Variants in ABHD18 observed in about 807,000 individuals in gnomAD.
The protein encoded by ABHD18 is cardiolipin-specific deacylase, mitochondrial.
ABHD18 carries 55 observed loss-of-function variants against 65.9 expected under a neutral mutation model. The observed-to-expected ratio is 0.84, with a 90% confidence interval of 0.67 to 1.05. ABHD18 has a LOEUF of 1.05. Among genes scored for constraint, ABHD18 ranks in the 50% least tolerant of loss-of-function variants. The pLI is 0.00. For synonymous variants in ABHD18, 181 were observed against 180.2 expected (o/e 1.00, Z -0.04); for missense variants, 533 against 558.5 (o/e 0.95, Z 0.46).
At chr4:127,966,900 A>AAAC (rs1560801702) in intron 1 of ABHD18, among the ~76,000 whole-genome samples, 1 of 150,016 alleles carries the variant, frequency 6.7e-6, no homozygotes, top group Non-Finnish European at 1.5e-5. Context: ...AAAAAAAAAA[A>AAAC]CCAAAAACCT....
chr4:127,985,133 C>A (rs538431588), intron 3 of ABHD18, among the ~76,000 whole-genome samples: 18 of 151,604 alleles, frequency 1.2e-4, no homozygotes, highest in Non-Finnish European at 2.2e-4. Flanking sequence ...TTAAATAACA[C>A]CAGGAAAAAT....
At chr4:127,983,648 G>A (rs768357984) in intron 2 of ABHD18, among the ~76,000 whole-genome samples, 4 of 152,162 alleles carry the variant, frequency 2.6e-5, no homozygotes, top group East Asian at 3.9e-4. Context: ...GGCGGATCAC[G>A]AGGTCAGGAG....
chr4:128,025,798 C>T (rs1264214249), intron 10 of ABHD18, among the ~76,000 whole-genome samples: 2 of 152,152 alleles, frequency 1.3e-5, no homozygotes, highest in Non-Finnish European at 2.9e-5. Flanking sequence ...TGTCAACTGG[C>T]ACTGGAAAAT....
intron 4 of ABHD18, among the ~76,000 whole-genome samples, chr4:128,008,586 C>T (rs1754033423): frequency 1.3e-5 from 2 of 151,982 alleles, no homozygotes; most frequent in Non-Finnish European, 2.9e-5. Flanking sequence ...ATAGTTACTT[C>T]TTTTAAGACT....
chr4:127,981,892 A>T (rs1011312501), intron 1 of ABHD18, among the ~76,000 whole-genome samples: 2 of 152,180 alleles, frequency 1.3e-5, no homozygotes, highest in Non-Finnish European at 2.9e-5. Context: ...ATTAGCTAGT[A>T]AATGTTTCTT....
At chr4:128,019,032 A>C (rs1756028074) in intron 8 of ABHD18, among the ~76,000 whole-genome samples, 1 of 151,752 alleles carries the variant, frequency 6.6e-6, no homozygotes, top group African/African-American at 2.4e-5. Context: ...AAAAAAAAAA[A>C]ATTCAAAACA....
rs202120305 is a variant in ABHD18, at chr4:128,030,569, C to G, written c.1240C>G (p.Arg414Gly). The change falls in exon 12 of 13, where the codon CGA becomes GGA. Residue 414 changes from arginine to glycine, a missense_variant. Transcript: ENST00000645843. ...VQAKEDAYIP[R>G]TGVRSLQEIW... ...AGCCAAAGAAGATGCCTATATTCCA[C>G]GAACAGGAGTTCGAAGTTTACAAGA... The G allele has an allele frequency of 1.9e-6, 3 of 1,607,390 alleles. No homozygotes were observed. The highest frequency in any genetic ancestry group is 2.5e-6 in the Non-Finnish European group (3 of 1,178,882).
intron 4 of ABHD18, among the ~76,000 whole-genome samples, chr4:127,994,501 C>T (rs532276039): frequency 1.1e-4 from 16 of 152,126 alleles, no homozygotes; most frequent in African/African-American, 3.4e-4. Flanking sequence ...GCAGGAGAAT[C>T]GCTTGAACCT....
intron 9 of ABHD18, among the ~76,000 whole-genome samples, chr4:128,020,528 G>T (rs1198451286): frequency 6.6e-6 from 1 of 152,106 alleles, no homozygotes; most frequent in Non-Finnish European, 1.5e-5. Flanking sequence ...TTTTATCAGG[G>T]GTTAGTGACT....
chr4:127,975,582 A>G (rs1416902720), intron 1 of ABHD18, among the ~76,000 whole-genome samples: 2 of 152,208 alleles, frequency 1.3e-5, no homozygotes, highest in African/African-American at 4.8e-5. Flanking sequence ...AATGGACACT[A>G]AAAGCTCCCA....
intron 9 of ABHD18, among the ~76,000 whole-genome samples, chr4:128,020,553 C>A (rs1201127318): frequency 6.6e-6 from 1 of 152,170 alleles, no homozygotes; most frequent in Non-Finnish European, 1.5e-5. Context: ...TAACTTCTGC[C>A]TAGCATGCAC....
intron 1 of ABHD18, among the ~76,000 whole-genome samples, chr4:127,974,039 A>G (rs899368797): frequency 2.6e-5 from 4 of 152,008 alleles, no homozygotes; most frequent in Admixed American, 1.3e-4. Context: ...ATAATCCTCA[A>G]GGAAAAGGGA....
At chr4:127,989,473 C>A (rs1275966684) in intron 3 of ABHD18, among the ~76,000 whole-genome samples, 1 of 151,548 alleles carries the variant, frequency 6.6e-6, no homozygotes, top group African/African-American at 2.4e-5. Context: ...TGATGGATAC[C>A]CCAATTACCC....
At position 127,996,066 on chromosome 4, in the gene ABHD18, T is replaced by C. The variant is rs74762349; in HGVS notation, c.278+6245T>C. Among the ~76,000 whole-genome samples the C allele has an allele frequency of 2.7e-3, 409 of 152,226 alleles. 4 individuals carry two copies. The highest frequency in any genetic ancestry group is 9.6e-3 in the African/African-American group (397 of 41,554). ...AAAGATACAGGCAGGAATAAAGAAA[T>C]TAAAGTTGAAAGGAGTGTGGATGAG... On this transcript the variant is annotated intron_variant, in intron 4 of 12. Coordinates refer to ENST00000645843, the MANE Select transcript of ABHD18 (RefSeq NM_001358451.3).
chr4:128,022,583 TC>T (rs1472384689), intron 10 of ABHD18, among the ~76,000 whole-genome samples: 1 of 152,220 alleles, frequency 6.6e-6, no homozygotes, highest in African/African-American at 2.4e-5. Flanking sequence ...TTCTATTATT[TC>T]TTTTTCATGT....
At chr4:128,035,332 G>A (rs1213135330) in intron 12 of ABHD18, among the ~76,000 whole-genome samples, 1 of 152,144 alleles carries the variant, frequency 6.6e-6, no homozygotes, top group Admixed American at 6.6e-5. Context: ...AAAGTTGCAT[G>A]CATCTGAGGC....
At chr4:128,016,263 T>A (rs936774168) in intron 7 of ABHD18, among the ~76,000 whole-genome samples, 5 of 152,122 alleles carry the variant, frequency 3.3e-5, no homozygotes, top group African/African-American at 1.2e-4. Flanking sequence ...AAATACTTTT[T>A]ATAAGGAAAT....
intron 3 of ABHD18, among the ~76,000 whole-genome samples, chr4:127,986,217 C>T (rs145787155): frequency 1.3e-5 from 2 of 152,326 alleles, no homozygotes; most frequent in African/African-American, 4.8e-5. Flanking sequence ...AGTCTACTCT[C>T]TGTCTCTATG....
At chr4:128,013,977 CTTTT>C (rs61303818) in intron 7 of ABHD18, among the ~76,000 whole-genome samples, 3 of 115,134 alleles carry the variant, frequency 2.6e-5, no homozygotes, top group East Asian at 5.8e-4. Context: ...GAATTTCCAC[CTTTT>C]TTTTTTTTTT....
Sources: allele counts gnomAD v4.1 joint callset (sites outside exome capture counted in the v4.1 genomes callset), GRCh38; gene constraint gnomAD v4.1.1; transcripts MANE v1.5; gene names NCBI Gene and HGNC (gene_info 2026-07-23, HGNC 2026-07-21).